Variants in KLHL1 observed in about 807,000 individuals in gnomAD.
KLHL1 encodes kelch like family member 1.
Under a neutral mutation model 77.7 loss-of-function variants are expected in KLHL1, and 47 were observed. That is an observed-to-expected ratio of 0.60 (90% CI 0.48 to 0.77). The LOEUF (loss-of-function observed/expected upper bound fraction) is 0.77, where lower values mean the gene tolerates loss of function less well. Among genes scored for constraint, KLHL1 ranks in the 30% least tolerant of loss-of-function variants. KLHL1 has a pLI of 0.00. For synonymous variants in KLHL1, 360 were observed against 325.2 expected (o/e 1.11, Z -1.15); for missense variants, 925 against 910.8 (o/e 1.02, Z -0.20).
chr13:69,769,817 C>G (rs1040035495), intron 7 of KLHL1, among the ~76,000 whole-genome samples: 1 of 152,084 alleles, frequency 6.6e-6, no homozygotes, highest in Non-Finnish European at 1.5e-5. Context: ...CTCCGGTATT[C>G]ACGTACCCTC....
intron 2 of KLHL1, among the ~76,000 whole-genome samples, chr13:69,968,573 A>G (rs1422593116): frequency 6.6e-6 from 1 of 151,546 alleles, no homozygotes; most frequent in Non-Finnish European, 1.5e-5. Context: ...AGGTATTAAT[A>G]TAAATTATTT....
At chr13:69,814,422 C>T (rs137882514) in intron 6 of KLHL1, among the ~76,000 whole-genome samples, 1 of 152,038 alleles carries the variant, frequency 6.6e-6, no homozygotes, top group African/African-American at 2.4e-5. Flanking sequence ...AACTGAAGAG[C>T]TTTGGCAAAG....
intron 4 of KLHL1, among the ~76,000 whole-genome samples, chr13:69,926,670 G>A (rs185562178): frequency 4.6e-5 from 7 of 152,100 alleles, no homozygotes; most frequent in Non-Finnish European, 8.8e-5. Flanking sequence ...AATTCAGGCC[G>A]GGCGCGGTAG....
At position 70,084,622 on chromosome 13, in the gene KLHL1, CTTTTTTT is replaced by C. The variant is rs71116988; in HGVS notation, c.497+22574_497+22580del. ...TACAGGCACCTGCCACCACGCCAGG[CTTTTTTT>C]TTTTTTTTTTTTTTTTTTTGAATTT... On this transcript the variant is annotated intron_variant, in intron 1 of 10. Coordinates refer to ENST00000377844, the MANE Select transcript of KLHL1 (RefSeq NM_020866.3). 3.1e-3 allele frequency among the ~76,000 whole-genome samples: 46 copies of C among 14,954 alleles called. 1 individual carries two copies. In the South Asian group the frequency reaches 0.043, roughly 14 times the overall value. The allele number at this position is 14,954 out of a possible 152,430, so 9.8% of individuals were successfully genotyped here.
intron 1 of KLHL1, among the ~76,000 whole-genome samples, chr13:70,021,733 C>T (rs1234707157): frequency 3.3e-5 from 5 of 152,078 alleles, no homozygotes; most frequent in African/African-American, 9.7e-5. Flanking sequence ...AGACTCTTCA[C>T]ATCAAGTGAA....
At chr13:69,860,137 C>T (rs1229835201) in intron 5 of KLHL1, among the ~76,000 whole-genome samples, 3 of 151,966 alleles carry the variant, frequency 2.0e-5, no homozygotes, top group African/African-American at 2.4e-5. Flanking sequence ...ATAGCAGCCA[C>T]AAATATTACA....
intron 3 of KLHL1, among the ~76,000 whole-genome samples, chr13:69,953,465 T>G (rs533188819): frequency 6.6e-6 from 1 of 151,152 alleles, no homozygotes; most frequent in South Asian, 2.1e-4. Flanking sequence ...GATGTCAAAA[T>G]GTCCATGGAA....
intron 7 of KLHL1, among the ~76,000 whole-genome samples, chr13:69,784,907 T>G (rs1876435300): frequency 7.6e-6 from 1 of 131,808 alleles, no homozygotes; most frequent in African/African-American, 3.3e-5. Flanking sequence ...TTTTTTTTTT[T>G]GAGACAGAGT....
At chr13:69,749,979 C>A (rs1874402336) in intron 7 of KLHL1, among the ~76,000 whole-genome samples, 1 of 151,664 alleles carries the variant, frequency 6.6e-6, no homozygotes, top group African/African-American at 2.4e-5. Context: ...TTACTGTTTG[C>A]CTGTTAGCCA....
At chr13:69,956,901 T>G (rs1316724408) in intron 3 of KLHL1, among the ~76,000 whole-genome samples, 1 of 151,722 alleles carries the variant, frequency 6.6e-6, no homozygotes, top group Non-Finnish European at 1.5e-5. Context: ...AACGTTCGTC[T>G]GTAAAATGTA....
intron 1 of KLHL1, among the ~76,000 whole-genome samples, chr13:70,056,498 T>C (rs1230307880): frequency 6.6e-6 from 1 of 152,094 alleles, no homozygotes; most frequent in East Asian, 1.9e-4. Flanking sequence ...AACTAATGTA[T>C]TTCATTCAAT....
intron 7 of KLHL1, among the ~76,000 whole-genome samples, chr13:69,783,551 C>A (rs143738763): frequency 0.012 from 1,757 of 151,508 alleles, 30 homozygotes; most frequent in African/African-American, 0.039. Flanking sequence ...GGAGCCGATG[C>A]GATCAACTGG....
intron 1 of KLHL1, among the ~76,000 whole-genome samples, chr13:70,061,580 T>C (rs1886887552): frequency 6.6e-6 from 1 of 152,136 alleles, no homozygotes; most frequent in Admixed American, 6.6e-5. Flanking sequence ...AGATTTTCTC[T>C]TCACACTGAG....
intron 1 of KLHL1, among the ~76,000 whole-genome samples, chr13:70,027,492 T>C (rs1297161939): frequency 6.6e-6 from 1 of 151,930 alleles, no homozygotes; most frequent in Non-Finnish European, 1.5e-5. Context: ...ATATAAGTTC[T>C]ATATTGTGGT....
At chr13:69,756,302 TGGG>T (rs138486848) in intron 7 of KLHL1, among the ~76,000 whole-genome samples, 2,711 of 152,234 alleles carry the variant, frequency 0.018, 26 homozygotes, top group Non-Finnish European at 0.029. Context: ...TGCAAAATAT[TGGG>T]GGATAAAATG....
intron 1 of KLHL1, among the ~76,000 whole-genome samples, chr13:70,035,555 T>C (rs1886218051): frequency 6.6e-6 from 1 of 152,042 alleles, no homozygotes; most frequent in Non-Finnish European, 1.5e-5. Context: ...AGATAATTTT[T>C]TTAAAAGAGT....
chr13:69,782,580 AG>A (rs1425845297), intron 7 of KLHL1, among the ~76,000 whole-genome samples: 1 of 152,136 alleles, frequency 6.6e-6, no homozygotes, highest in Non-Finnish European at 1.5e-5. Context: ...TAGGAGTCTG[AG>A]ATCAAACTGC....
chr13:69,798,339 T>G (rs1877220406), intron 6 of KLHL1, among the ~76,000 whole-genome samples: 4 of 152,138 alleles, frequency 2.6e-5, no homozygotes, highest in African/African-American at 9.7e-5. Context: ...ATGAACTAAA[T>G]GAACATAAAC....
At chr13:69,712,441 G>C (rs1875920028) in intron 9 of KLHL1, among the ~76,000 whole-genome samples, 1 of 151,956 alleles carries the variant, frequency 6.6e-6, no homozygotes. Context: ...CATACTGGTG[G>C]CCTTTCCTCA....
Sources: gnomAD v4.1 joint callset for allele counts (sites outside exome capture counted in the v4.1 genomes callset) on GRCh38, gnomAD v4.1.1 for gene constraint, MANE v1.5 for transcripts, NCBI Gene and HGNC (gene_info 2026-07-23, HGNC 2026-07-21) for gene names.